PTCD2: variants seen among roughly 807,000 people sequenced by gnomAD.
PTCD2 encodes the protein pentatricopeptide repeat domain 2.
In PTCD2, 31 loss-of-function variants were observed where a neutral mutation model predicts 42.6. The ratio of observed to expected loss-of-function variants is 0.73; its 90% CI spans 0.55 to 0.98. The LOEUF (loss-of-function observed/expected upper bound fraction) is 0.98. Ranked by LOEUF, PTCD2 falls within the 50% of genes least tolerant of loss-of-function variation. PTCD2 has a pLI of 0.00. For missense variants in PTCD2, 476 were observed against 454.8 expected (o/e 1.05, Z -0.42); for synonymous variants, 183 against 170.9 (o/e 1.07, Z -0.55).
rs541150852 is a variant in PTCD2 at position 72,341,502 on chromosome 5, G to C, written c.754-1460G>C. 4.7e-3 allele frequency among the ~76,000 whole-genome samples: 716 copies of C among 152,072 alleles called. 5 individuals are homozygous for C. Among genetic ancestry groups the C allele is most frequent in the African/African-American group, 0.016 (684 of 41,472 alleles). On this transcript the variant is annotated intron_variant, in intron 7 of 9. Transcript: ENST00000380639. ...GCGTGTAATCCCAGCACTTTGGAAG[G>C]GGGGAGGATCACTTGAGGCCAGGAG...
At chr5:72,332,697 T>G (rs2112152820) in intron 4 of PTCD2, among the ~76,000 whole-genome samples, 1 of 152,292 alleles carries the variant, frequency 6.6e-6, no homozygotes, top group South Asian at 2.1e-4. Flanking sequence ...TAGGTAAATT[T>G]TCTGGAGTAG....
chr5:72,365,071 G>A lies in PTCD2; in HGVS notation c.*6644G>A, dbSNP rs1753170267. ...CCACAGGCATTAAAGATGGGGATGG[G>A]GAAAGAAGGCCCAGAGGGAAAGGGA... is the stretch of plus-strand genomic sequence containing the variant. On this transcript the variant is annotated 3_prime_UTR_variant, in exon 10 of 10. Transcript: ENST00000380639. The A allele has an allele frequency of 6.6e-6, 1 of 152,434 alleles. No individual in the cohort carries two copies. The highest frequency in any genetic ancestry group is 2.4e-5 in the African/African-American group (1 of 41,442). The allele number at this position is 152,434 out of a possible 1,614,324, so 9.4% of individuals were successfully genotyped here.
At chr5:72,334,996 C>A in intron 4 of PTCD2, 22 bp from the exon 5 acceptor site, 1 of 1,487,936 alleles carries the variant, frequency 6.7e-7, no homozygotes, top group Non-Finnish European at 9.4e-7. Context: ...TTTAACCAAA[C>A]TGTATTGTTC....
At chr5:72,324,513 C>A (rs1409854992) in intron 2 of PTCD2, among the ~76,000 whole-genome samples, 1 of 152,138 alleles carries the variant, frequency 6.6e-6, no homozygotes, top group African/African-American at 2.4e-5. Context: ...CCTAGAATAT[C>A]CCCCTCCTCC....
intron 3 of PTCD2, among the ~76,000 whole-genome samples, chr5:72,330,986 A>T (rs564750800): frequency 1.3e-5 from 2 of 152,180 alleles, no homozygotes; most frequent in African/African-American, 2.4e-5. Flanking sequence ...TTGTTTCTAA[A>T]TTTAGAGAAT....
rs1753047690 is a variant in PTCD2 at position 72,359,714 on chromosome 5, C to T, written c.*1287C>T. ...TGAATCCAGGTCTGAGATCACAATC[C>T]CACCTGAGGACAGGATCCGCATATG... On this transcript the variant is annotated 3_prime_UTR_variant, in exon 10 of 10. Coordinates refer to ENST00000380639, the MANE Select transcript of PTCD2 (RefSeq NM_024754.5). 1 of 152,126 alleles carries T rather than the reference C, an allele frequency of 6.6e-6. No homozygotes were observed. The highest frequency in any genetic ancestry group is 1.5e-5 in the Non-Finnish European group (1 of 68,036). 9.4% of individuals were successfully genotyped at this position (152,126 alleles called of 1,614,324 possible).
At chr5:72,332,378 C>A (rs1274998073) in intron 4 of PTCD2, among the ~76,000 whole-genome samples, 8 of 150,922 alleles carry the variant, frequency 5.3e-5, no homozygotes, top group East Asian at 1.9e-4. Context: ...TTTTTTTGTT[C>A]CATAAGAAAA....
chr5:72,338,727 C>G lies in PTCD2; in HGVS notation c.745C>G (p.Leu249Val). The G allele has an allele frequency of 1.3e-6, 2 of 1,588,934 alleles. No individual in the cohort carries two copies. The highest frequency in any genetic ancestry group is 1.7e-6 in the Non-Finnish European group (2 of 1,157,534). The change falls in exon 7 of 10, where the codon CTG becomes GTG. Residue 249 changes from leucine to valine, a missense_variant. Physicochemically the swap from Leu to Val is conservative, Grantham distance 32 (BLOSUM62 1). Transcript: ENST00000380639. ...ATCCTGTTTCGCTGTGGCATTAGCTCTGAATCAGGTAAAGCCTTGTGGTGT... is the reference window on the plus strand; with the variant it reads ...ATCCTGTTTCGCTGTGGCATTAGCTGTGAATCAGGTAAAGCCTTGTGGTGT... The part of the protein sequence containing the change: ...RASCFAVALA[L>V]NQNEMAKAVS...
At chr5:72,343,757 C>T (rs771726040) in intron 8 of PTCD2, among the ~76,000 whole-genome samples, 1 of 152,174 alleles carries the variant, frequency 6.6e-6, no homozygotes, top group Non-Finnish European at 1.5e-5. Context: ...TATTACTACT[C>T]CCAGAGTTTG....
chr5:72,330,234 C>G (rs1249796568), intron 3 of PTCD2, among the ~76,000 whole-genome samples: 1 of 151,994 alleles, frequency 6.6e-6, no homozygotes, highest in Non-Finnish European at 1.5e-5. Flanking sequence ...GCCACTGTGC[C>G]CGGCCTATTT....
At position 72,358,671 on chromosome 5, in the gene PTCD2, C is replaced by G; in HGVS notation, c.*244C>G. The stretch of plus-strand genomic sequence containing the variant: ...CTTCCCTTTTGCATGGCTGAGGATC[C>G]TTGAAGGAACCTGGTCAGTCTCCGG... On this transcript the variant is annotated 3_prime_UTR_variant, in exon 10 of 10. Transcript: ENST00000380639. 1.9e-6 allele frequency: 1 copy of G among 530,036 alleles called. No homozygotes were observed. Among genetic ancestry groups the G allele is most frequent in the South Asian group, 2.2e-5 (1 of 45,132 alleles). 32.8% of individuals were successfully genotyped at this position (530,036 alleles called of 1,614,324 possible).
intron 2 of PTCD2, among the ~76,000 whole-genome samples, chr5:72,323,065 G>T (rs1750947711): frequency 6.6e-6 from 1 of 152,094 alleles, no homozygotes; most frequent in South Asian, 2.1e-4. Context: ...TGGGAGGATT[G>T]CTTGAGCCTG....
At position 72,338,672 on chromosome 5, in the gene PTCD2, A is replaced by C; in HGVS notation, c.690A>C (p.Leu230=). ...GTACTACATTAAGAGAAGAAGCTCT[A>C]CTCAAAGGAGAAATTCTCTCCAGGA... ...KICTTLREEA[L]LKGEILSRRA... The change falls in exon 7 of 10, where the codon CTA becomes CTC. Residue 230 remains leucine, a synonymous_variant. Transcript: ENST00000380639. 1.2e-6 allele frequency: 2 copies of C among 1,612,928 alleles called. No homozygotes were observed. The highest frequency in any genetic ancestry group is 1.7e-6 in the Non-Finnish European group (2 of 1,178,956).
At chr5:72,337,774 C>A (rs907398684) in intron 6 of PTCD2, among the ~76,000 whole-genome samples, 6 of 152,146 alleles carry the variant, frequency 3.9e-5, no homozygotes, top group Admixed American at 3.9e-4. Context: ...GCCTGGGCAA[C>A]AGAGCGAGAC....
At chr5:72,333,228 CA>C (rs1229391719) in intron 4 of PTCD2, among the ~76,000 whole-genome samples, 1 of 152,198 alleles carries the variant, frequency 6.6e-6, no homozygotes, top group Non-Finnish European at 1.5e-5. Context: ...GGCGAGCTCA[CA>C]GCCTCTAACT....
At chr5:72,322,101 T>C in intron 1 of PTCD2, 71 bp from the exon 2 acceptor site, 1 of 773,152 alleles carries the variant, frequency 1.3e-6, no homozygotes. Flanking sequence ...GTAATCCAGC[T>C]CTATTCATGT....
At chr5:72,351,703 C>T (rs1156756980) in intron 8 of PTCD2, among the ~76,000 whole-genome samples, 1 of 152,120 alleles carries the variant, frequency 6.6e-6, no homozygotes, top group Non-Finnish European at 1.5e-5. Context: ...TTCATGAGAA[C>T]ACACTGACTA....
chr5:72,344,496 G>C (rs1462162861), intron 8 of PTCD2, among the ~76,000 whole-genome samples: 1 of 152,098 alleles, frequency 6.6e-6, no homozygotes, highest in Non-Finnish European at 1.5e-5. Flanking sequence ...CTTGGCGACA[G>C]AGCAAGACTC....
At chr5:72,347,114 C>T (rs1165336079) in intron 8 of PTCD2, among the ~76,000 whole-genome samples, 1 of 152,154 alleles carries the variant, frequency 6.6e-6, no homozygotes, top group African/African-American at 2.4e-5. Flanking sequence ...AAGTAAATTA[C>T]CTTAGTTCTC....
Sources: gnomAD v4.1 joint callset for allele counts (sites outside exome capture counted in the v4.1 genomes callset) on GRCh38, gnomAD v4.1.1 for gene constraint, MANE v1.5 for transcripts, NCBI Gene and HGNC (gene_info 2026-07-23, HGNC 2026-07-21) for gene names.